The following RPS19 variants were observed in gnomAD, a reference collection of about 807,000 sequenced individuals.
The protein encoded by RPS19 is ribosomal protein S19, also known as small ribosomal subunit protein eS19.
Under a neutral mutation model 20.3 loss-of-function variants are expected in RPS19, and 1 was observed. That is an observed-to-expected ratio of 0.05 (90% CI 0.02 to 0.23). RPS19 has a LOEUF of 0.23. Among genes scored for constraint, RPS19 ranks in the 10% least tolerant of loss-of-function variants. The pLI is 1.00. For missense variants in RPS19, 111 were observed against 192.7 expected (o/e 0.58, Z 2.51); for synonymous variants, 87 against 74.8 (o/e 1.16, Z -0.84).
intron 3 of RPS19, among the ~76,000 whole-genome samples, chr19:41,867,738 G>A (rs782726544): frequency 2.0e-5 from 3 of 151,852 alleles, no homozygotes; most frequent in African/African-American, 7.3e-5. Flanking sequence ...CCAGGAGTTC[G>A]AGGCTGCAGT....
intron 3 of RPS19, 50 bp from the exon 4 acceptor site, chr19:41,868,981 C>T: frequency 1.3e-6 from 2 of 1,569,122 alleles, no homozygotes; most frequent in Non-Finnish European, 1.8e-6. Context: ...GAATTGTTTA[C>T]CTGAGACCTT....
At chr19:41,860,960 C>G (rs1600608363) in intron 2 of RPS19, 115 bp downstream of exon 2, 2 of 1,133,038 alleles carry the variant, frequency 1.8e-6, no homozygotes, top group East Asian at 4.7e-5. Context: ...GCCTCCGTGG[C>G]TCCTTTCAGC....
At chr19:41,862,324 G>A (rs1185792713) in intron 3 of RPS19, among the ~76,000 whole-genome samples, 2 of 152,166 alleles carry the variant, frequency 1.3e-5, no homozygotes, top group Non-Finnish European at 2.9e-5. Flanking sequence ...ACTCAGCCGC[G>A]GCCTCTGAGG....
rs1050121894 is a variant in RPS19, at chr19:41,871,460, A to G, written c.*83A>G. ...TTTTGAGTCTCTTGCTCTGTCGCCC[A>G]GGCTGGAGTGCAGTGGCGCCATCTC... On this transcript the variant is annotated 3_prime_UTR_variant, in exon 6 of 6. Coordinates refer to ENST00000598742, the MANE Select transcript of RPS19 (RefSeq NM_001022.4). 2.2e-5 allele frequency: 28 copies of G among 1,257,940 alleles called. No individual in the cohort carries two copies. Among genetic ancestry groups the G allele is most frequent in the South Asian group, 3.6e-5 (3 of 83,340 alleles). The allele number at this position is 1,257,940 out of a possible 1,614,324, so 77.9% of individuals were successfully genotyped here. A position where few individuals can be genotyped will look rare whatever the true frequency, so the allele number is the denominator to read the frequency against.
rs2074161254 is a variant in RPS19, at chr19:41,872,602, GTT to G, written c.*1227_*1228del. The G allele has an allele frequency of 6.6e-6, 1 of 152,272 alleles. No individual in the cohort carries two copies. Among genetic ancestry groups the G allele is most frequent in the Non-Finnish European group, 1.5e-5 (1 of 68,078 alleles). 9.4% of individuals were successfully genotyped at this position (152,272 alleles called of 1,614,324 possible). On this transcript the variant is annotated 3_prime_UTR_variant, in exon 6 of 6. Transcript: ENST00000598742. ...CAGTCCCCAAACGTAAGGCGTAAGA[GTT>G]TAAGAAGTATCGGCCAGGCACAGTG...
intron 3 of RPS19, among the ~76,000 whole-genome samples, chr19:41,862,438 C>G (rs1452840825): frequency 1.3e-5 from 2 of 152,134 alleles, no homozygotes; most frequent in Non-Finnish European, 2.9e-5. Context: ...GCTGACTTCC[C>G]TGGGCGCACA....
intron 3 of RPS19, among the ~76,000 whole-genome samples, chr19:41,863,217 A>G (rs2074051406): frequency 6.6e-6 from 1 of 152,100 alleles, no homozygotes; most frequent in East Asian, 1.9e-4. Flanking sequence ...ATGGAGTCTC[A>G]CTATGTTGAA....
At position 41,860,730 on chromosome 19, in the gene RPS19, C is replaced by T. The variant is rs7255488; in HGVS notation, c.1-45C>T. On this transcript the variant is annotated intron_variant, in intron 1 of 5. Coordinates refer to ENST00000598742, the MANE Select transcript of RPS19 (RefSeq NM_001022.4). ...GGGTGGGGTCCGTGCTCTTGGCAGTCGTCTCTGCCAGGCCTGTGTTCACAT... is the reference window on the plus strand; with the variant it reads ...GGGTGGGGTCCGTGCTCTTGGCAGTTGTCTCTGCCAGGCCTGTGTTCACAT... 5,453 of 1,414,942 alleles carry T rather than the reference C, an allele frequency of 3.9e-3. 100 individuals are homozygous for T. In the African/African-American group the frequency reaches 0.05, roughly 13 times the overall value. 87.6% of individuals were successfully genotyped at this position (1,414,942 alleles called of 1,614,324 possible).
intron 3 of RPS19, among the ~76,000 whole-genome samples, chr19:41,863,395 AGACGGGCGAAGG>A (rs1172582362): frequency 6.6e-6 from 1 of 152,210 alleles, no homozygotes; most frequent in Non-Finnish European, 1.5e-5. Context: ...GCTGTGGTGC[AGACGGGCGAAGG>A]GACTTGCTGC....
chr19:41,860,948 G>C lies in RPS19; in HGVS notation c.71+103G>C, dbSNP rs141019240. ...GTCCCTGGCAGGCGAGGCTTGTTTG[G>C]GGCCTCCGTGGCTCCTTTCAGCGTG... On this transcript the variant is annotated intron_variant, in intron 2 of 5. Coordinates refer to ENST00000598742, the MANE Select transcript of RPS19 (RefSeq NM_001022.4). The C allele has an allele frequency of 7.6e-6, 9 of 1,187,030 alleles. No individual in the cohort carries two copies. In the African/African-American group the frequency reaches 1.4e-4, roughly 18 times the overall value. 73.5% of individuals were successfully genotyped at this position (1,187,030 alleles called of 1,614,324 possible).
At chr19:41,863,120 T>C (rs1474675079) in intron 3 of RPS19, among the ~76,000 whole-genome samples, 1 of 152,192 alleles carries the variant, frequency 6.6e-6, no homozygotes, top group Non-Finnish European at 1.5e-5. Context: ...TGGGCTCAAG[T>C]GATCCTCCTG....
chr19:41,863,294 C>T (rs782467897), intron 3 of RPS19, among the ~76,000 whole-genome samples: 2 of 152,144 alleles, frequency 1.3e-5, no homozygotes, highest in Non-Finnish European at 2.9e-5. Context: ...CAAAGTTGAC[C>T]AGCCTCTATT....
At chr19:41,868,771 A>G (rs919689283) in intron 3 of RPS19, among the ~76,000 whole-genome samples, 12 of 152,036 alleles carry the variant, frequency 7.9e-5, no homozygotes, top group African/African-American at 2.9e-4. Context: ...ATTCAACAGC[A>G]GTGCTGCTGG....
chr19:41,860,309 T>TGGACCGGGCGCGAGGCGGCA lies in RPS19; in HGVS notation c.-1+23_-1+42dup, dbSNP rs2074013435. On this transcript the variant is annotated intron_variant, in intron 1 of 5. Transcript: ENST00000598742. Reference sequence around the variant, plus strand: ...CGCACGGTAAGCGGGGGCTCCGAGCTGGACCGGGCGCGAGGCGGCAGGGCC... The same window carrying TGGACCGGGCGCGAGGCGGCA: ...CGCACGGTAAGCGGGGGCTCCGAGCTGGACCGGGCGCGAGGCGGCAGGACCGGGCGCGAGGCGGCAGGGCC... 2 of 154,034 alleles carry TGGACCGGGCGCGAGGCGGCA rather than the reference T, an allele frequency of 1.3e-5. No homozygotes were observed. The highest frequency in any genetic ancestry group is 4.8e-5 in the African/African-American group (2 of 41,496). The allele number at this position is 154,034 out of a possible 1,614,324, so 9.5% of individuals were successfully genotyped here.
At position 41,869,700 on chromosome 19, in the gene RPS19, G is replaced by C. The variant is rs2074126567; in HGVS notation, c.358G>C (p.Gly120Arg). 1 of 1,613,934 alleles carries C rather than the reference G, an allele frequency of 6.2e-7. No individual in the cohort carries two copies. Among genetic ancestry groups the C allele is most frequent in the Non-Finnish European group, 8.5e-7 (1 of 1,180,000 alleles). ...LKMVEKDQDG[G>R]RKLTPQGQRD... ...TGCATGACCCTTCCCTCCCCACAGC[G>C]GCCGCAAACTGACACCTCAGGGACA... Residue 120 changes from glycine (G) to arginine (R), a missense_variant and splice_region_variant, in exon 5 of 6, where the codon GGC becomes CGC. By Grantham distance (125) the Gly-to-Arg change is moderately radical. Coordinates refer to ENST00000598742, the MANE Select transcript of RPS19 (RefSeq NM_001022.4).
At chr19:41,868,899 T>C (rs1032400377) in intron 3 of RPS19, 132 bp from the exon 4 acceptor site, 4 of 938,548 alleles carry the variant, frequency 4.3e-6, no homozygotes, top group Non-Finnish European at 6.6e-6. Context: ...GGGCTGTCAG[T>C]TTCTGGGTGT....
chr19:41,866,126 G>T (rs976443817), intron 3 of RPS19, among the ~76,000 whole-genome samples: 4 of 151,760 alleles, frequency 2.6e-5, no homozygotes, highest in Non-Finnish European at 4.4e-5. Flanking sequence ...GGTGGCGTGT[G>T]CCTGTAGTCC....
chr19:41,871,333 T>G lies in RPS19; in HGVS notation c.412-18T>G, dbSNP rs2074147394. ...AGACCCCCTTGACTAACTTTTATTC[T>G]TCCATCTTTTCCCACAGGTGGCAGC... On this transcript the variant is annotated intron_variant, in intron 5 of 5. Coordinates refer to ENST00000598742, the MANE Select transcript of RPS19 (RefSeq NM_001022.4). The G allele has an allele frequency of 6.2e-7, 1 of 1,613,558 alleles. No homozygotes were observed. Among genetic ancestry groups the G allele is most frequent in the Admixed American group, 1.7e-5 (1 of 59,990 alleles).
In RPS19 at chr19:41,860,778, C is replaced by T. The variant is rs1201899997; in HGVS notation, c.4C>T (p.Pro2Ser). The change falls in exon 2 of 6, where the codon CCT becomes TCT. Residue 2 changes from proline (P) to serine (S), a missense_variant. Pro to Ser is a moderately conservative substitution (Grantham distance 74). Transcript: ENST00000598742. ...CATGCTTGACTTTCTCCCTCAGATG[C>T]CTGGAGTTACTGTAAAAGACGTGAA... is the stretch of plus-strand genomic sequence containing the variant. Reference protein sequence around the residue: MPGVTVKDVNQQ... With the variant: MSGVTVKDVNQQ... 3.1e-6 allele frequency: 5 copies of T among 1,613,124 alleles called. No homozygotes were observed. The highest frequency in any genetic ancestry group is 4.2e-6 in the Non-Finnish European group (5 of 1,179,176).
Sources: allele counts gnomAD v4.1 joint callset (sites outside exome capture counted in the v4.1 genomes callset), GRCh38; gene constraint gnomAD v4.1.1; transcripts MANE v1.5; gene names NCBI Gene and HGNC (gene_info 2026-07-23, HGNC 2026-07-21).